Variants in RIT2 observed in about 807,000 individuals in gnomAD.
RIT2 encodes GTP-binding protein Rit2.
RIT2 carries 24 observed loss-of-function variants against 23.7 expected under a neutral mutation model. That is an observed-to-expected ratio of 1.01 (90% confidence interval 0.73 to 1.43). The LOEUF (loss-of-function observed/expected upper bound fraction) is 1.43. Among genes scored for constraint, RIT2 ranks in the 40% most tolerant of loss-of-function variants. The pLI is 0.00. For missense variants in RIT2, 236 were observed against 266.9 expected (o/e 0.88, Z 0.81); for synonymous variants, 107 against 91.1 (o/e 1.17, Z -0.99).
intron 2 of RIT2, among the ~76,000 whole-genome samples, chr18:43,031,960 T>C (rs1252313523): frequency 6.6e-6 from 1 of 152,080 alleles, no homozygotes; most frequent in Non-Finnish European, 1.5e-5. Flanking sequence ...CAGAAGCAGG[T>C]GGAAGGTAAA....
At chr18:43,011,822 T>C (rs1911358163) in intron 2 of RIT2, among the ~76,000 whole-genome samples, 1 of 151,800 alleles carries the variant, frequency 6.6e-6, no homozygotes, top group Non-Finnish European at 1.5e-5. Flanking sequence ...TCCAGAGCAA[T>C]TATTGTAAAT....
chr18:42,812,628 G>A lies in RIT2; in HGVS notation c.427-68908C>T, dbSNP rs574700605. Among the ~76,000 whole-genome samples, 418 of 152,106 alleles carry A rather than the reference G, an allele frequency of 2.7e-3. 2 individuals are homozygous for A. The highest frequency in any genetic ancestry group is 9.6e-3 in the African/African-American group (399 of 41,484). On this transcript the variant is annotated intron_variant, in intron 4 of 4. Coordinates refer to ENST00000326695, the MANE Select transcript of RIT2 (RefSeq NM_002930.4). The stretch of plus-strand genomic sequence containing the variant: ...TGCATATCTTTATTTTATATCCTTA[G>A]GGTTTAACAAAACTTCTGGCATTTA...
At chr18:42,885,299 A>G (rs138503090) in intron 4 of RIT2, among the ~76,000 whole-genome samples, 13 of 152,332 alleles carry the variant, frequency 8.5e-5, no homozygotes, top group Non-Finnish European at 1.8e-4. Context: ...AGAATTGTCA[A>G]TTAGGGCCAG....
chr18:43,029,167 G>C (rs939455570), intron 2 of RIT2, among the ~76,000 whole-genome samples: 1 of 151,984 alleles, frequency 6.6e-6, no homozygotes, highest in Admixed American at 6.6e-5. Context: ...ACTTGTTACA[G>C]TCCTTATCGA....
chr18:42,908,270 G>T (rs1908676368), intron 4 of RIT2, among the ~76,000 whole-genome samples: 1 of 151,684 alleles, frequency 6.6e-6, no homozygotes, highest in South Asian at 2.1e-4. Flanking sequence ...TAGACTAAAA[G>T]AAAAAATAAA....
At chr18:42,758,780 T>C (rs1241982426) in intron 4 of RIT2, among the ~76,000 whole-genome samples, 1 of 151,442 alleles carries the variant, frequency 6.6e-6, no homozygotes, top group Non-Finnish European at 1.5e-5. Flanking sequence ...CTGCCCAAAG[T>C]GCTGGGATTA....
chr18:42,879,085 T>C (rs1038730447), intron 4 of RIT2, among the ~76,000 whole-genome samples: 1 of 152,174 alleles, frequency 6.6e-6, no homozygotes, highest in Non-Finnish European at 1.5e-5. Flanking sequence ...TCAGGTATTT[T>C]ACCAAGTCGA....
intron 1 of RIT2, among the ~76,000 whole-genome samples, chr18:43,059,770 T>C (rs1912599229): frequency 1.6e-5 from 2 of 122,566 alleles, no homozygotes; most frequent in African/African-American, 5.3e-5. Context: ...TGAGAATCAT[T>C]CTTACACTTT....
At chr18:42,820,159 G>T (rs2143990819) in intron 4 of RIT2, among the ~76,000 whole-genome samples, 1 of 152,112 alleles carries the variant, frequency 6.6e-6, no homozygotes, top group South Asian at 2.1e-4. Context: ...CATGGATAAT[G>T]AACCCACAGA....
chr18:42,858,922 T>C (rs1352766358), intron 4 of RIT2, among the ~76,000 whole-genome samples: 1 of 152,242 alleles, frequency 6.6e-6, no homozygotes, highest in Non-Finnish European at 1.5e-5. Flanking sequence ...TTCCACTGTA[T>C]GGATATATTA....
chr18:43,109,478 A>G (rs1315874180), intron 1 of RIT2, among the ~76,000 whole-genome samples: 1 of 152,160 alleles, frequency 6.6e-6, no homozygotes, highest in African/African-American at 2.4e-5. Context: ...GTGCCCCTGT[A>G]TACACTGTTT....
At chr18:42,831,733 T>C (rs552604760) in intron 4 of RIT2, among the ~76,000 whole-genome samples, 70 of 152,314 alleles carry the variant, frequency 4.6e-4, no homozygotes, top group African/African-American at 1.7e-3. Flanking sequence ...TGCAGGTAGA[T>C]AAAACATACA....
chr18:43,056,793 C>T (rs1200547835), intron 1 of RIT2, among the ~76,000 whole-genome samples: 1 of 152,090 alleles, frequency 6.6e-6, no homozygotes, highest in Non-Finnish European at 1.5e-5. Flanking sequence ...ATTTCCTGGG[C>T]TTCGCCAGGG....
chr18:43,097,826 A>G (rs1416492165), intron 1 of RIT2, among the ~76,000 whole-genome samples: 2 of 151,988 alleles, frequency 1.3e-5, no homozygotes, highest in Non-Finnish European at 2.9e-5. Flanking sequence ...TTGCCGTTAC[A>G]TAAATCATAA....
At chr18:43,075,821 C>T (rs117803288) in intron 1 of RIT2, among the ~76,000 whole-genome samples, 6 of 152,178 alleles carry the variant, frequency 3.9e-5, no homozygotes, top group African/African-American at 1.4e-4. Flanking sequence ...ATGCCCTTGC[C>T]TTTTTCAAGC....
chr18:42,785,446 CTCTT>C (rs1362912307), intron 4 of RIT2, among the ~76,000 whole-genome samples: 1 of 129,198 alleles, frequency 7.7e-6, no homozygotes, highest in South Asian at 2.4e-4. Context: ...TTCTTGGCCT[CTCTT>C]TTTTTTTTTT....
chr18:43,013,531 A>G (rs1479417164), intron 2 of RIT2, among the ~76,000 whole-genome samples: 1 of 151,734 alleles, frequency 6.6e-6, no homozygotes, highest in Non-Finnish European at 1.5e-5. Context: ...TACAACTACA[A>G]CAGAAAAACA....
intron 4 of RIT2, among the ~76,000 whole-genome samples, chr18:42,846,727 T>C (rs569776013): frequency 2.0e-4 from 30 of 152,244 alleles, no homozygotes; most frequent in Non-Finnish European, 3.7e-4. Context: ...TTCAATGTTA[T>C]TATTCATTAA....
chr18:42,990,666 A>G (rs1910820958), intron 2 of RIT2, among the ~76,000 whole-genome samples: 1 of 152,228 alleles, frequency 6.6e-6, no homozygotes, highest in Admixed American at 6.5e-5. Context: ...ACAGGTACAT[A>G]ATAAGTGGTC....
Sources: allele counts gnomAD v4.1 joint callset (sites outside exome capture counted in the v4.1 genomes callset), GRCh38; gene constraint gnomAD v4.1.1; transcripts MANE v1.5; gene names NCBI Gene and HGNC (gene_info 2026-07-23, HGNC 2026-07-21).